Variants in SLC2A7 observed in about 807,000 individuals in gnomAD.
SLC2A7 encodes solute carrier family 2, facilitated glucose transporter member 7.
SLC2A7 carries 50 observed loss-of-function variants against 50.5 expected under a neutral mutation model. The observed-to-expected ratio is 0.99, with a 90% CI of 0.79 to 1.25. The LOEUF (loss-of-function observed/expected upper bound fraction) is 1.25. Ranked by LOEUF, SLC2A7 falls within the 50% of genes most tolerant of loss-of-function variation. The probability of loss-of-function intolerance (pLI) is 0.00; values close to 1 mark genes in which losing one functional copy is unlikely to be tolerated. For synonymous variants in SLC2A7, 308 were observed against 300.4 expected (o/e 1.03, Z -0.26); for missense variants, 683 against 679.1 (o/e 1.01, Z -0.06).
In SLC2A7 at chr1:9,026,334, T is replaced by G. The variant is rs763327941; in HGVS notation, c.12A>C (p.Lys4Asn). ...GAATGGGTGGAGGGGTTCCCGCCTC[T>G]TTGTTCTCCATCCTTGTTCAGGTGG... Reference protein sequence around the residue: MENKEAGTPPPIPS... With the variant: MENNEAGTPPPIPS... The change falls in exon 1 of 12, where the codon AAA (lysine) becomes AAC (asparagine). Residue 4 changes from lysine to asparagine, a missense_variant. Physicochemically the swap from Lys to Asn is moderately conservative, Grantham distance 94. Transcript: ENST00000400906. 6.2e-7 allele frequency: 1 copy of G among 1,608,746 alleles called. No individual in the cohort carries two copies. Among genetic ancestry groups the G allele is most frequent in the Non-Finnish European group, 8.5e-7 (1 of 1,177,530 alleles).
intron 9 of SLC2A7, among the ~76,000 whole-genome samples, chr1:9,009,625 G>A (rs72862299): frequency 0.029 from 4,386 of 152,174 alleles, 208 homozygotes; most frequent in African/African-American, 0.099. Flanking sequence ...CCCAGAAAAC[G>A]TTTTGTATTT....
At chr1:9,025,210 G>A (rs1640979347) in intron 1 of SLC2A7, 136 bp from the exon 2 acceptor site, 1 of 863,028 alleles carries the variant, frequency 1.2e-6, no homozygotes, top group African/African-American at 1.7e-5. Context: ...CGGAAAAGAG[G>A]AGGAGGTGGC....
chr1:8,999,954 A>C (rs1640552568), downstream of SLC2A7, among the ~76,000 whole-genome samples: 1 of 152,112 alleles, frequency 6.6e-6, no homozygotes, highest in Non-Finnish European at 1.5e-5. Context: ...ATGAAGATGA[A>C]CCCTGACCTT....
rs1319415456 is a variant in SLC2A7 at position 9,023,134 on chromosome 1, A to G, written c.151-56T>C. Reference sequence around the variant, plus strand: ...AATATTGGGCAGTTCATGAGAAATGAGAAAGTGTTCTCAGTGGCCACTTGT... The same window carrying G: ...AATATTGGGCAGTTCATGAGAAATGGGAAAGTGTTCTCAGTGGCCACTTGT... On this transcript the variant is annotated intron_variant, in intron 2 of 11. Coordinates refer to ENST00000400906, the MANE Select transcript of SLC2A7 (RefSeq NM_207420.3). 6.4e-6 allele frequency: 10 copies of G among 1,571,230 alleles called. No homozygotes were observed. In the East Asian group the frequency reaches 2.3e-4, roughly 36 times the overall value.
At chr1:8,996,690 T>A in the SLC2A7 span, among the ~76,000 whole-genome samples, 1 of 152,186 alleles carries the variant, frequency 6.6e-6, no homozygotes, top group Admixed American at 6.5e-5. Context: ...AAACTTGTAG[T>A]CAGTATTTTA....
Position 9,015,253 on chromosome 1 carries a change from C to A in SLC2A7, c.590-11G>T. 3.8e-6 allele frequency: 6 copies of A among 1,579,954 alleles called. No homozygotes were observed. In the South Asian group the frequency reaches 7.0e-5, roughly 18 times the overall value. Reference sequence around the variant, plus strand: ...GAAGCACCGGCCAGCCTGCAAGGAGCCAAGGACTCAGGATCCCGGGGCCTG... The same window carrying A: ...GAAGCACCGGCCAGCCTGCAAGGAGACAAGGACTCAGGATCCCGGGGCCTG... On this transcript the variant is annotated splice_polypyrimidine_tract_variant and intron_variant, in intron 5 of 11. Transcript: ENST00000400906.
At chr1:9,014,632 G>C in intron 7 of SLC2A7, 49 bp downstream of exon 7, 1 of 1,546,608 alleles carries the variant, frequency 6.5e-7, no homozygotes, top group Non-Finnish European at 8.7e-7. Flanking sequence ...TATCCATGAA[G>C]CCTGGGTCTG....
downstream of SLC2A7, among the ~76,000 whole-genome samples, chr1:9,001,723 C>A (rs945935305): frequency 1.3e-5 from 2 of 152,178 alleles, no homozygotes; most frequent in African/African-American, 2.4e-5. Context: ...CGGCACTGCA[C>A]CTTGTTTTCA....
chr1:9,011,461 C>T (rs999615092), intron 8 of SLC2A7, among the ~76,000 whole-genome samples: 2 of 151,840 alleles, frequency 1.3e-5, no homozygotes, highest in African/African-American at 2.4e-5. Context: ...CGAAACCAGC[C>T]GGGTCAACAT....
intron 3 of SLC2A7, 93 bp from the exon 4 acceptor site, chr1:9,019,426 A>G (rs1640881029): frequency 6.6e-7 from 1 of 1,523,902 alleles, no homozygotes; most frequent in Non-Finnish European, 8.8e-7. Flanking sequence ...GTCACTACAG[A>G]GGCGCGGGGA....
chr1:9,007,421 A>G (rs372906926), intron 9 of SLC2A7, 36 bp from the exon 10 acceptor site: 24 of 1,608,858 alleles, frequency 1.5e-5, no homozygotes, highest in Non-Finnish European at 1.9e-5. Context: ...GGCTGAGGCC[A>G]GGAGCCCCAC....
intron 10 of SLC2A7, 71 bp downstream of exon 10, chr1:9,007,239 A>G: frequency 1.3e-6 from 2 of 1,543,896 alleles, no homozygotes; most frequent in Non-Finnish European, 1.8e-6. Flanking sequence ...ATATGTGTCG[A>G]GCACTGACTG....
rs1011099987 is a variant in SLC2A7, at chr1:9,008,742, A to G, written c.1117-1357T>C. 2.0e-5 allele frequency among the ~76,000 whole-genome samples: 3 copies of G among 151,922 alleles called. No homozygotes were observed. The highest frequency in any genetic ancestry group is 4.4e-5 in the Non-Finnish European group (3 of 67,992). Reference sequence around the variant, plus strand: ...CTCCCGAGTAACTGGGATTACAGGCACACGCCACCACACCCGACTAAATTT... The same window carrying G: ...CTCCCGAGTAACTGGGATTACAGGCGCACGCCACCACACCCGACTAAATTT... On this transcript the variant is annotated intron_variant, in intron 9 of 11. Coordinates refer to ENST00000400906, the MANE Select transcript of SLC2A7 (RefSeq NM_207420.3). This position sits in a 1 kb window ranked among gnomAD's most constrained non-coding sequence, Gnocchi z 5.9.
At chr1:9,006,485 T>C (rs1640655113) in intron 10 of SLC2A7, among the ~76,000 whole-genome samples, 1 of 138,966 alleles carries the variant, frequency 7.2e-6, no homozygotes, top group Non-Finnish European at 1.6e-5. Flanking sequence ...TGACCTTAAG[T>C]GAACAGCCTG....
At chr1:9,002,642 G>A (rs148006331), downstream of SLC2A7, among the ~76,000 whole-genome samples, 1,242 of 152,262 alleles carry the variant, frequency 8.2e-3, 22 homozygotes, top group African/African-American at 0.028. Context: ...AAATACTGAG[G>A]GAACTCAGAG....
intron 1 of SLC2A7, among the ~76,000 whole-genome samples, chr1:9,025,552 C>G (rs907975767): frequency 1.3e-5 from 2 of 152,006 alleles, no homozygotes; most frequent in African/African-American, 4.8e-5. Flanking sequence ...GCAGGGAAGG[C>G]CTCTCTGAGC....
intron 9 of SLC2A7, among the ~76,000 whole-genome samples, chr1:9,007,886 C>T (rs897529691): frequency 6.6e-6 from 1 of 152,206 alleles, no homozygotes; most frequent in East Asian, 1.9e-4. Flanking sequence ...AGGCGTGCGC[C>T]ACCACGCCCG....
chr1:9,004,500 T>G (rs1321366290), intron 11 of SLC2A7, among the ~76,000 whole-genome samples: 2 of 152,128 alleles, frequency 1.3e-5, no homozygotes, highest in Non-Finnish European at 2.9e-5. Context: ...CTGGCGCCTT[T>G]GAGCTCCGCG....
chr1:9,001,226 A>T (rs1640568004), downstream of SLC2A7, among the ~76,000 whole-genome samples: 1 of 152,078 alleles, frequency 6.6e-6, no homozygotes, highest in Non-Finnish European at 1.5e-5. Context: ...AAGGCTGGGT[A>T]GGGCTGTGAT....
Sources: gnomAD v4.1 joint callset for allele counts (sites outside exome capture counted in the v4.1 genomes callset) on GRCh38, gnomAD v4.1.1 for gene constraint, Gnocchi (gnomAD v3.1) non-coding constraint, MANE v1.5 for transcripts, NCBI Gene and HGNC (gene_info 2026-07-23, HGNC 2026-07-21) for gene names.